The following TACC2 variants were observed in gnomAD, a reference collection of about 807,000 sequenced individuals.
TACC2 encodes the protein transforming acidic coiled-coil-containing protein 2.
In TACC2, 137 loss-of-function variants were observed where a neutral mutation model predicts 227.3. The observed-to-expected ratio is 0.60, with a 90% CI of 0.52 to 0.69. The LOEUF is 0.69. TACC2 is among the 30% of genes least tolerant of loss of function. The pLI is 0.00. For synonymous variants in TACC2, 1,523 were observed against 1,487.5 expected, an observed-to-expected ratio of 1.02 and a Z score of -0.55; for missense variants, 3,470 against 3,694.4, an observed-to-expected ratio of 0.94 and a Z score of 1.57.
In TACC2 at chr10:122,194,735, A is replaced by G. The variant is rs2094510594; in HGVS notation, c.5835-305A>G. Among the ~76,000 whole-genome samples, 1 of 152,172 alleles carries G rather than the reference A, an allele frequency of 6.6e-6. No individual in the cohort carries two copies. The highest frequency in any genetic ancestry group is 1.5e-5 in the Non-Finnish European group (1 of 68,036). ...TCTCTCTCTATTTGAATCAATACCT[A>G]ATAATGAACGCGTGCGGAAGTTCAT... On this transcript the variant is annotated intron_variant, in intron 7 of 22. Transcript: ENST00000369005. The surrounding 1 kb of genome is among the most constrained non-coding windows in gnomAD (Gnocchi z 4.4).
At chr10:122,172,192 G>T (rs2093506010) in intron 7 of TACC2, among the ~76,000 whole-genome samples, 1 of 152,172 alleles carries the variant, frequency 6.6e-6, no homozygotes, top group Non-Finnish European at 1.5e-5. Context: ...ATGACTCCTG[G>T]GGCCTTAATT....
At chr10:122,033,111 G>C in intron 2 of TACC2, 1 of 1,289,386 alleles carries the variant, frequency 7.8e-7, no homozygotes, top group South Asian at 1.2e-5. Context: ...ACTCCGTCTT[G>C]CATAACGTCA....
At chr10:122,067,652 G>A (rs1368872066) in intron 3 of TACC2, among the ~76,000 whole-genome samples, 2 of 152,068 alleles carry the variant, frequency 1.3e-5, no homozygotes, top group East Asian at 1.9e-4. Flanking sequence ...AATTATAGGC[G>A]TATGCCACCA....
chr10:122,143,921 G>A (rs895646010), intron 7 of TACC2, among the ~76,000 whole-genome samples: 1 of 152,224 alleles, frequency 6.6e-6, no homozygotes, highest in Non-Finnish European at 1.5e-5. Context: ...GAAGCATGGT[G>A]TGGGCGAGTG....
intron 6 of TACC2, among the ~76,000 whole-genome samples, chr10:122,138,252 G>A (rs1404198380): frequency 1.3e-5 from 2 of 152,190 alleles, no homozygotes; most frequent in African/African-American, 2.4e-5. Context: ...GCTTATGCCT[G>A]TAATCCCAGA....
chr10:122,176,123 A>C (rs1391371616), intron 7 of TACC2, among the ~76,000 whole-genome samples: 2,267 of 85,226 alleles, frequency 0.027, 11 homozygotes, highest in Admixed American at 0.054. Flanking sequence ...CTCTCTATAT[A>C]TATATATATA....
chr10:122,170,911 T>C (rs2093438842), intron 7 of TACC2, among the ~76,000 whole-genome samples: 2 of 152,178 alleles, frequency 1.3e-5, no homozygotes, highest in South Asian at 4.1e-4. Flanking sequence ...GGCTGGTCTC[T>C]TTTTTCCTGT....
intron 16 of TACC2, among the ~76,000 whole-genome samples, chr10:122,231,728 C>A (rs1290045889): frequency 6.6e-6 from 1 of 152,218 alleles, no homozygotes; most frequent in Non-Finnish European, 1.5e-5. Context: ...GTAGTTCCAG[C>A]TACTCGGGAG....
At chr10:122,039,657 C>T (rs993473946) in intron 2 of TACC2, among the ~76,000 whole-genome samples, 8 of 152,148 alleles carry the variant, frequency 5.3e-5, no homozygotes, top group Admixed American at 4.6e-4. Flanking sequence ...CAGTTTATTT[C>T]GACAGTATTT....
At chr10:122,033,097 G>A in intron 2 of TACC2, 1 of 1,289,314 alleles carries the variant, frequency 7.8e-7, no homozygotes, top group Non-Finnish European at 1.0e-6. Context: ...ATTTCAGCAG[G>A]AGGACTCCGT....
At chr10:122,077,393 C>A (rs2078938713) in intron 3 of TACC2, among the ~76,000 whole-genome samples, 1 of 152,158 alleles carries the variant, frequency 6.6e-6, no homozygotes, top group Admixed American at 6.5e-5. Context: ...GTGATGGGAA[C>A]CATGACTAGC....
chr10:122,087,790 C>G lies in TACC2; in HGVS notation c.5290C>G (p.Leu1764Val). The G allele has an allele frequency of 6.3e-7, 1 of 1,593,988 alleles. No homozygotes were observed. The highest frequency in any genetic ancestry group is 2.2e-5 in the East Asian group (1 of 44,704). The change falls in exon 4 of 23, where the codon CTT becomes GTT. Residue 1764 changes from leucine (L) to valine (V), a missense_variant. Transcript: ENST00000369005. ...TCCGGGGATGGAGGGTACAGCTGCC[C>G]TTCATGGGGACAGCCCAGCCAGGCC... ...KAPGMEGTAALHGDSPARPQQ... is the reference protein window; with the variant it reads ...KAPGMEGTAAVHGDSPARPQQ...
chr10:122,186,996 A>AC (rs2094220387), intron 7 of TACC2, among the ~76,000 whole-genome samples: 1 of 152,142 alleles, frequency 6.6e-6, no homozygotes, highest in African/African-American at 2.4e-5. Flanking sequence ...GGATCTAGTT[A>AC]CAAATCGGTG....
At chr10:122,170,685 A>T (rs1479153434) in intron 7 of TACC2, among the ~76,000 whole-genome samples, 3 of 151,944 alleles carry the variant, frequency 2.0e-5, no homozygotes, top group Non-Finnish European at 4.4e-5. Context: ...CATGGTTAAA[A>T]CCTGTATCTG....
At chr10:122,033,294 A>G in intron 2 of TACC2, 1 of 438,882 alleles carries the variant, frequency 2.3e-6, no homozygotes, top group South Asian at 1.9e-5. Context: ...TCTTCCATCC[A>G]CCCCAAATAA....
Position 122,086,721 on chromosome 10 carries a change from CT to C in TACC2, c.4223del (p.Phe1408SerfsTer45). ...TCGCCACCCTCACTGGCTTCCCAGA[CT>C]TCAGGGAGCACATCGCCAAGATCTT... ...QIATLTGFPDFREHIAKIFEK... is the reference protein window; with the variant it reads ...QIATLTGFPDXREHIAKIFEK... On this transcript the variant is annotated frameshift_variant, in exon 4 of 23. Coordinates refer to ENST00000369005, the MANE Select transcript of TACC2 (RefSeq NM_206862.4). LOFTEE classifies it high-confidence loss of function. The C allele has an allele frequency of 6.2e-7, 1 of 1,614,010 alleles. No individual in the cohort carries two copies. Among genetic ancestry groups the C allele is most frequent in the Non-Finnish European group, 8.5e-7 (1 of 1,179,972 alleles).
At chr10:122,239,699 G>A (rs751949877) in intron 18 of TACC2, among the ~76,000 whole-genome samples, 1 of 152,090 alleles carries the variant, frequency 6.6e-6, no homozygotes, top group Non-Finnish European at 1.5e-5. Flanking sequence ...GTGCTTATTC[G>A]TGGTTTGAGA....
Position 122,076,484 on chromosome 10 carries a change from G to A in TACC2, c.147-6163G>A, listed in dbSNP as rs1224183679. ...CTACCCCGGCTTTCCTTTTCCAGAA[G>A]GCACACCGGAATGCAACGAGTAGCA... On this transcript the variant is annotated intron_variant, in intron 3 of 22. Coordinates refer to ENST00000369005, the MANE Select transcript of TACC2 (RefSeq NM_206862.4). Among the ~76,000 whole-genome samples the A allele has an allele frequency of 2.0e-5, 3 of 152,142 alleles. No homozygotes were observed. The East Asian group carries it at 5.8e-4, about 29-fold the overall frequency.
chr10:122,253,390 T>G (rs1052483496), intron 22 of TACC2, among the ~76,000 whole-genome samples: 2 of 152,200 alleles, frequency 1.3e-5, no homozygotes, highest in Admixed American at 1.3e-4. Context: ...GGATCATCTG[T>G]GCTAGACAAA....
Sources: allele counts gnomAD v4.1 joint callset (sites outside exome capture counted in the v4.1 genomes callset), GRCh38; gene constraint gnomAD v4.1.1; non-coding constraint Gnocchi (gnomAD v3.1); transcripts MANE v1.5; gene names NCBI Gene and HGNC (gene_info 2026-07-23, HGNC 2026-07-21).